The following NXPE3 variants were observed in gnomAD, a reference collection of about 807,000 sequenced individuals.
NXPE3 encodes the protein neurexophilin and PC-esterase domain family member 3.
NXPE3 carries 26 observed loss-of-function variants against 46.1 expected under a neutral mutation model. That is an observed-to-expected ratio of 0.56 (90% CI 0.41 to 0.78). NXPE3 has a LOEUF of 0.78. Ranked by LOEUF, NXPE3 falls within the 30% of genes least tolerant of loss-of-function variation. The pLI is 0.00. For synonymous variants in NXPE3, 272 were observed against 257.9 expected (o/e 1.05, Z -0.52); for missense variants, 620 against 686.0 (o/e 0.90, Z 1.07).
At chr3:101,779,753 G>A (rs577973993) in intron 1 of NXPE3, 52 of 152,706 alleles carry the variant, frequency 3.4e-4, no homozygotes, top group African/African-American at 1.2e-3. Flanking sequence ...CTAACCCGGT[G>A]CGGAGCACTT....
intron 5 of NXPE3, among the ~76,000 whole-genome samples, chr3:101,804,521 C>T (rs1484222208): frequency 1.3e-5 from 2 of 152,084 alleles, no homozygotes; most frequent in South Asian, 2.1e-4. Context: ...TTTCATTTTC[C>T]ACCCTTTATT....
At position 101,783,218 on chromosome 3, in the gene NXPE3, C is replaced by T. The variant is rs149718837; in HGVS notation, c.-196+438C>T. On this transcript the variant is annotated intron_variant, in intron 3 of 7. Transcript: ENST00000273347. Reference sequence around the variant, plus strand: ...CTGGGACTACAGGCACCCGCCACCACGCCCAGCTAATTTGTTGTATTTTTA... The same window carrying T: ...CTGGGACTACAGGCACCCGCCACCATGCCCAGCTAATTTGTTGTATTTTTA... 8.9e-3 allele frequency among the ~76,000 whole-genome samples: 1,355 copies of T among 152,194 alleles called. 16 individuals carry two copies. Among genetic ancestry groups the T allele is most frequent in the African/African-American group, 0.031 (1,281 of 41,518 alleles).
At chr3:101,812,846 A>C (rs999787261) in intron 6 of NXPE3, among the ~76,000 whole-genome samples, 4 of 140,762 alleles carry the variant, frequency 2.8e-5, no homozygotes, top group Admixed American at 7.2e-5. Context: ...AAAAAAAGAT[A>C]TTTGGACTAG....
At position 101,801,352 on chromosome 3, in the gene NXPE3, TC is replaced by T; in HGVS notation, c.213del (p.Ser72AlafsTer27). 1 of 1,614,214 alleles carries T rather than the reference TC, an allele frequency of 6.2e-7. No homozygotes were observed. Among genetic ancestry groups the T allele is most frequent in the Non-Finnish European group, 8.5e-7 (1 of 1,180,042 alleles). On this transcript the variant is annotated frameshift_variant, in exon 5 of 8. Coordinates refer to ENST00000273347, the MANE Select transcript of NXPE3 (RefSeq NM_145037.4). LOFTEE classifies it high-confidence loss of function. ...PYCGYDQQTL[S>X]SQERMEEDSL... ...CTGTGGCTATGATCAGCAGACCCTG[TC>T]CAGCCAGGAGCGCATGGAGGAGGAC...
intron 7 of NXPE3, among the ~76,000 whole-genome samples, chr3:101,818,632 G>A (rs1942070952): frequency 6.9e-6 from 1 of 144,424 alleles, no homozygotes; most frequent in Non-Finnish European, 1.5e-5. Flanking sequence ...GTAGTAGTTA[G>A]GTAGGAAAAT....
intron 5 of NXPE3, among the ~76,000 whole-genome samples, chr3:101,806,816 G>A (rs1018117824): frequency 3.3e-5 from 5 of 152,188 alleles, no homozygotes; most frequent in Non-Finnish European, 5.9e-5. Flanking sequence ...ACTCTTAGCA[G>A]TATACAGTGG....
Position 101,785,564 on chromosome 3 carries a change from G to A in NXPE3, c.-33G>A, listed in dbSNP as rs751159200. 2 of 1,574,012 alleles carry A rather than the reference G, an allele frequency of 1.3e-6. No homozygotes were observed. The highest frequency in any genetic ancestry group is 2.7e-5 in the African/African-American group (2 of 74,124). On this transcript the variant is annotated 5_prime_UTR_variant, in exon 4 of 8. Transcript: ENST00000273347. ...TTTTAAAGAGTGAAGGTAGCATGGT[G>A]TCGGCCATGGGTGAACAAGACACAG... is the stretch of plus-strand genomic sequence containing the variant.
chr3:101,788,000 T>G (rs1428504092), intron 4 of NXPE3, among the ~76,000 whole-genome samples: 1 of 152,250 alleles, frequency 6.6e-6, no homozygotes, highest in Non-Finnish European at 1.5e-5. Flanking sequence ...TCATTTTTTA[T>G]CCTTATCAAC....
rs200030702 is a variant in NXPE3, at chr3:101,807,137, G to C, written c.922+11G>C. The C allele has an allele frequency of 1.6e-5, 25 of 1,596,642 alleles. No individual in the cohort carries two copies. Among genetic ancestry groups the C allele is most frequent in the Non-Finnish European group, 2.1e-5 (25 of 1,164,772 alleles). On this transcript the variant is annotated intron_variant, in intron 6 of 7. Transcript: ENST00000273347. ...CCAGGAGAATAAAAGGTAAAAAAAA[G>C]AATAAGCTTGATGATTTGTTGTTTT...
intron 3 of NXPE3, 80 bp downstream of exon 3, chr3:101,782,860 C>T (rs1939909316): frequency 6.6e-6 from 1 of 152,120 alleles, no homozygotes; most frequent in Non-Finnish European, 1.5e-5. Flanking sequence ...CTTGCCTCAG[C>T]TAGTCTCAAA....
chr3:101,802,036 C>T (rs753119978), intron 5 of NXPE3, 47 bp downstream of exon 5: 3 of 1,526,672 alleles, frequency 2.0e-6, no homozygotes, highest in Non-Finnish European at 2.6e-6. Context: ...TTCTTTTCCA[C>T]TGTCCTTGTC....
rs1942346233 is a variant in NXPE3 at position 101,823,437 on chromosome 3, A to G, written c.*1483A>G. On this transcript the variant is annotated 3_prime_UTR_variant, in exon 8 of 8. Transcript: ENST00000273347. Reference sequence around the variant, plus strand: ...TTAATTTTAATGGTCCTTACGCTTTACAGTACCTAAGGATCACTTGTAGTA... The same window carrying G: ...TTAATTTTAATGGTCCTTACGCTTTGCAGTACCTAAGGATCACTTGTAGTA... 6.6e-6 allele frequency: 1 copy of G among 152,170 alleles called. No homozygotes were observed. Among genetic ancestry groups the G allele is most frequent in the Admixed American group, 6.5e-5 (1 of 15,276 alleles). The allele number at this position is 152,170 out of a possible 1,614,324, so 9.4% of individuals were successfully genotyped here. A position where few individuals can be genotyped will look rare whatever the true frequency, so the allele number is the denominator to read the frequency against.
chr3:101,812,069 A>G (rs1480434846), intron 6 of NXPE3, among the ~76,000 whole-genome samples: 1 of 152,126 alleles, frequency 6.6e-6, no homozygotes, highest in African/African-American at 2.4e-5. Context: ...CTTCTAGTAT[A>G]CAAATGATGA....
In NXPE3 at chr3:101,801,356, G is replaced by T; in HGVS notation, c.215G>T (p.Ser72Ile). 6.2e-7 allele frequency: 1 copy of T among 1,614,212 alleles called. No homozygotes were observed. Among genetic ancestry groups the T allele is most frequent in the Non-Finnish European group, 8.5e-7 (1 of 1,180,040 alleles). Reference protein sequence around the residue: ...YCGYDQQTLSSQERMEEDSLL... With the variant: ...YCGYDQQTLSIQERMEEDSLL... The stretch of plus-strand genomic sequence containing the variant: ...GGCTATGATCAGCAGACCCTGTCCA[G>T]CCAGGAGCGCATGGAGGAGGACTCC... The change falls in exon 5 of 8, where the codon AGC (serine) becomes ATC (isoleucine). Residue 72 changes from serine (S) to isoleucine (I), a missense_variant. Coordinates refer to ENST00000273347, the MANE Select transcript of NXPE3 (RefSeq NM_145037.4).
At chr3:101,791,301 T>C (rs1940505763) in intron 4 of NXPE3, among the ~76,000 whole-genome samples, 3 of 152,258 alleles carry the variant, frequency 2.0e-5, no homozygotes, top group Admixed American at 2.0e-4. Context: ...CTGCATAGTA[T>C]TCCATGCTGT....
intron 5 of NXPE3, among the ~76,000 whole-genome samples, chr3:101,805,881 CAAT>C (rs933510551): frequency 5.3e-5 from 8 of 151,694 alleles, no homozygotes; most frequent in African/African-American, 1.9e-4. Flanking sequence ...TATTATTGTA[CAAT>C]AATAATTATA....
intron 1 of NXPE3, among the ~76,000 whole-genome samples, chr3:101,781,452 G>GTAGGA (rs1560032244): frequency 6.6e-6 from 1 of 152,160 alleles, no homozygotes; most frequent in Admixed American, 6.5e-5. Context: ...TGAGATGGGG[G>GTAGGA]TAGGAACCCT....
intron 6 of NXPE3, among the ~76,000 whole-genome samples, chr3:101,812,121 T>A (rs1280545413): frequency 6.6e-6 from 1 of 152,176 alleles, no homozygotes; most frequent in Non-Finnish European, 1.5e-5. Context: ...AAAACGAAAC[T>A]AGTCATTTTG....
intron 7 of NXPE3, among the ~76,000 whole-genome samples, chr3:101,819,207 ATTAG>A (rs1942135321): frequency 1.3e-5 from 2 of 152,230 alleles, no homozygotes; most frequent in South Asian, 2.1e-4. Flanking sequence ...CTAAGGAAAT[ATTAG>A]TTAAATTGGA....
Sources: gnomAD v4.1 joint callset for allele counts (sites outside exome capture counted in the v4.1 genomes callset) on GRCh38, gnomAD v4.1.1 for gene constraint, MANE v1.5 for transcripts, NCBI Gene and HGNC (gene_info 2026-07-23, HGNC 2026-07-21) for gene names.